The following TRIM2 variants were observed in gnomAD, a reference collection of about 807,000 sequenced individuals.
The protein encoded by TRIM2 is tripartite motif containing 2.
In TRIM2, 20 loss-of-function variants were observed where a neutral mutation model predicts 75.2. The ratio of observed to expected loss-of-function variants is 0.27; its 90% confidence interval spans 0.19 to 0.39. TRIM2 has a LOEUF of 0.39. Ranked by LOEUF, TRIM2 falls within the 10% of genes least tolerant of loss-of-function variation. The pLI is 1.00. For missense variants in TRIM2, 660 were observed against 990.8 expected (o/e 0.67, Z 4.48); for synonymous variants, 373 against 388.3 (o/e 0.96, Z 0.46).
At chr4:153,307,751 T>C in intron 6 of TRIM2, 1 of 663,770 alleles carries the variant, frequency 1.5e-6, no homozygotes, top group Non-Finnish European at 2.9e-6. Context: ...ACGCTCGTGC[T>C]GTGTCGGACT....
Position 153,339,052 on chromosome 4 carries a change from C to T in TRIM2, c.*4086C>T. 1.0e-6 allele frequency: 1 copy of T among 985,260 alleles called. No individual in the cohort carries two copies. The highest frequency in any genetic ancestry group is 1.8e-5 in the African/African-American group (1 of 57,104). The allele number at this position is 985,260 out of a possible 1,614,324, so 61.0% of individuals were successfully genotyped here. A position where few individuals can be genotyped will look rare whatever the true frequency, so the allele number is the denominator to read the frequency against. ...TGTATAGAACACTAAGTCTTGCACT[C>T]TCTGACATTGATACTGATATATTCT... On this transcript the variant is annotated 3_prime_UTR_variant, in exon 12 of 12. Coordinates refer to ENST00000338700, the MANE Select transcript of TRIM2 (RefSeq NM_015271.5).
At chr4:153,186,461 T>G (rs9993265) in intron 1 of TRIM2, among the ~76,000 whole-genome samples, 6 of 152,074 alleles carry the variant, frequency 3.9e-5, no homozygotes, top group African/African-American at 1.4e-4. Flanking sequence ...CTCAGGTAAA[T>G]ACTTAAAACT....
chr4:153,338,702 G>C lies in TRIM2; in HGVS notation c.*3736G>C. 1 of 985,780 alleles carries C rather than the reference G, an allele frequency of 1.0e-6. No individual in the cohort carries two copies. The highest frequency in any genetic ancestry group is 1.2e-6 in the Non-Finnish European group (1 of 829,904). The allele number at this position is 985,780 out of a possible 1,614,324, so 61.1% of individuals were successfully genotyped here. On this transcript the variant is annotated 3_prime_UTR_variant, in exon 12 of 12. Transcript: ENST00000338700. ...CTTTCTAAAGATGAATTGTGTGGCA[G>C]TGATTGGTCTGTTTGTGGAGAATGT... is the stretch of plus-strand genomic sequence containing the variant.
intron 1 of TRIM2, among the ~76,000 whole-genome samples, chr4:153,217,940 A>G (rs925239800): frequency 2.0e-5 from 3 of 152,188 alleles, no homozygotes; most frequent in Non-Finnish European, 4.4e-5. Flanking sequence ...AACATCACCA[A>G]TGATCCCATA....
intron 1 of TRIM2, among the ~76,000 whole-genome samples, 184 bp downstream of exon 1, chr4:153,204,744 CAGGAAGGGAGTAAGGA>C (rs1299632266): frequency 1.3e-5 from 2 of 151,998 alleles, no homozygotes; most frequent in African/African-American, 4.8e-5. Flanking sequence ...TTAATCCAGG[CAGGAAGGGAGTAAGGA>C]AGCAAAAAAT....
At chr4:153,212,173 G>A (rs1313144203) in intron 1 of TRIM2, among the ~76,000 whole-genome samples, 1 of 152,160 alleles carries the variant, frequency 6.6e-6, no homozygotes, top group Non-Finnish European at 1.5e-5. Context: ...TGATTAAAGT[G>A]TGGTACATAT....
At chr4:153,293,708 G>T (rs187873084) in intron 4 of TRIM2, among the ~76,000 whole-genome samples, 23 of 152,358 alleles carry the variant, frequency 1.5e-4, no homozygotes, top group African/African-American at 5.3e-4. Flanking sequence ...TCCACTGATA[G>T]CTGTAGTGAG....
At chr4:153,211,488 CTTTTTT>C (rs112668688) in intron 1 of TRIM2, among the ~76,000 whole-genome samples, 18 of 135,046 alleles carry the variant, frequency 1.3e-4, no homozygotes, top group African/African-American at 4.9e-4. Context: ...TTTTCTTTTT[CTTTTTT>C]TTTTTTTTTT....
chr4:153,175,453 G>C (rs1407073959), intron 1 of TRIM2, among the ~76,000 whole-genome samples: 1 of 152,124 alleles, frequency 6.6e-6, no homozygotes, highest in Non-Finnish European at 1.5e-5. Flanking sequence ...CCTTCACCGA[G>C]ACTGGACTCT....
upstream of TRIM2, among the ~76,000 whole-genome samples, chr4:153,204,016 A>T (rs1177167473): frequency 6.6e-6 from 1 of 152,226 alleles, no homozygotes; most frequent in Non-Finnish European, 1.5e-5. Context: ...ATGTCATCAA[A>T]CTAACTTTCT....
At chr4:153,236,562 A>G (rs910879170) in intron 1 of TRIM2, among the ~76,000 whole-genome samples, 8 of 152,114 alleles carry the variant, frequency 5.3e-5, no homozygotes, top group African/African-American at 1.4e-4. Context: ...GCAACCCACT[A>G]TGGACTTTTC....
Position 153,337,648 on chromosome 4 carries a change from T to G in TRIM2, c.*2682T>G. The G allele has an allele frequency of 2.0e-6, 2 of 985,858 alleles. No individual in the cohort carries two copies. The highest frequency in any genetic ancestry group is 4.7e-5 in the South Asian group (1 of 21,286). 61.1% of individuals were successfully genotyped at this position (985,858 alleles called of 1,614,324 possible). ...CTGATATGATACAAGTAGACAAAAT[T>G]TAAATGAAATTTTGTCACATTCTAT... On this transcript the variant is annotated 3_prime_UTR_variant, in exon 12 of 12. Coordinates refer to ENST00000338700, the MANE Select transcript of TRIM2 (RefSeq NM_015271.5).
upstream of TRIM2, among the ~76,000 whole-genome samples, chr4:153,201,207 A>G (rs1214975369): frequency 1.3e-5 from 2 of 151,956 alleles, no homozygotes; most frequent in East Asian, 3.9e-4. Context: ...CAGATGATCC[A>G]CCCAACTCGG....
intron 1 of TRIM2, among the ~76,000 whole-genome samples, chr4:153,249,104 T>C (rs1390983924): frequency 6.6e-6 from 1 of 152,234 alleles, no homozygotes; most frequent in Non-Finnish European, 1.5e-5. Flanking sequence ...CTCCCTCCTC[T>C]TCCCCACATC....
chr4:153,331,865 T>C (rs1286213490), intron 11 of TRIM2, among the ~76,000 whole-genome samples: 1 of 152,170 alleles, frequency 6.6e-6, no homozygotes, highest in Non-Finnish European at 1.5e-5. Flanking sequence ...TATTGCATTT[T>C]GACAAAGGTA....
chr4:153,211,488 CTT>C (rs112668688), intron 1 of TRIM2, among the ~76,000 whole-genome samples: 14 of 134,986 alleles, frequency 1.0e-4, no homozygotes, highest in Non-Finnish European at 9.5e-5. Context: ...TTTTCTTTTT[CTT>C]TTTTTTTTTT....
chr4:153,218,902 C>G (rs1349660652), intron 1 of TRIM2, among the ~76,000 whole-genome samples: 2 of 152,170 alleles, frequency 1.3e-5, no homozygotes, highest in African/African-American at 4.8e-5. Context: ...ATTACTTCTT[C>G]CCTGAATTCT....
chr4:153,284,346 G>A (rs941011513), intron 3 of TRIM2, among the ~76,000 whole-genome samples: 3 of 151,790 alleles, frequency 2.0e-5, no homozygotes, highest in Admixed American at 6.6e-5. Context: ...CATTACAGGC[G>A]CCCACCACCA....
At chr4:153,324,838 G>C (rs1330353163) in intron 10 of TRIM2, among the ~76,000 whole-genome samples, 13 of 152,172 alleles carry the variant, frequency 8.5e-5, no homozygotes, top group African/African-American at 3.1e-4. Flanking sequence ...ATGATCCGTG[G>C]CCATAGGCAG....
Sources: allele counts gnomAD v4.1 joint callset (sites outside exome capture counted in the v4.1 genomes callset), GRCh38; gene constraint gnomAD v4.1.1; transcripts MANE v1.5; gene names NCBI Gene and HGNC (gene_info 2026-07-23, HGNC 2026-07-21).